The following INSYN2B variants were observed in gnomAD, a reference collection of about 807,000 sequenced individuals.
INSYN2B encodes the protein inhibitory synaptic factor family member 2B.
Under a neutral mutation model 41.2 loss-of-function variants are expected in INSYN2B, and 16 were observed. The ratio of observed to expected loss-of-function variants is 0.39; its 90% CI spans 0.26 to 0.59. The LOEUF (loss-of-function observed/expected upper bound fraction) is 0.59, where lower values mean the gene tolerates loss of function less well. INSYN2B is among the 20% of genes least tolerant of loss of function. INSYN2B has a pLI of 0.57. For missense variants in INSYN2B, 608 were observed against 646.4 expected, an observed-to-expected ratio of 0.94 and a Z score of 0.64; for synonymous variants, 245 against 244.4, an observed-to-expected ratio of 1.00 and a Z score of -0.02.
At chr5:169,960,208 A>G (rs924196040) in intron 1 of INSYN2B, among the ~76,000 whole-genome samples, 1 of 152,234 alleles carries the variant, frequency 6.6e-6, no homozygotes, top group African/African-American at 2.4e-5. Flanking sequence ...AGAGGAGGAA[A>G]TAATGTAGTT....
At chr5:169,960,657 G>C (rs1422695) in intron 1 of INSYN2B, among the ~76,000 whole-genome samples, 115,248 of 152,156 alleles carry the variant, frequency 0.76, 44,703 homozygotes, top group African/African-American at 0.94. Context: ...TACTTGTGTG[G>C]TAATATTCGG....
At chr5:169,885,907 A>C (rs2113520339) in intron 1 of INSYN2B, among the ~76,000 whole-genome samples, 1 of 152,302 alleles carries the variant, frequency 6.6e-6, no homozygotes, top group South Asian at 2.1e-4. Context: ...TCCCCCTTAG[A>C]CTTACGGGGA....
chr5:169,924,174 G>A (rs1232278514), intron 1 of INSYN2B, among the ~76,000 whole-genome samples: 1 of 152,200 alleles, frequency 6.6e-6, no homozygotes, highest in East Asian at 1.9e-4. Context: ...GAAAGTCCCA[G>A]GGGACCACAG....
chr5:169,929,741 CAAA>C (rs1211612989), intron 1 of INSYN2B, among the ~76,000 whole-genome samples: 7 of 62,918 alleles, frequency 1.1e-4, no homozygotes, highest in Non-Finnish European at 1.7e-4. Context: ...GACCCTGTCT[CAAA>C]AAAAAAAAAA....
intron 3 of INSYN2B, among the ~76,000 whole-genome samples, chr5:169,879,234 G>A (rs1457763582): frequency 6.6e-6 from 1 of 152,210 alleles, no homozygotes; most frequent in African/African-American, 2.4e-5. Flanking sequence ...TGCACTGAGC[G>A]CATCCATCAT....
intron 1 of INSYN2B, among the ~76,000 whole-genome samples, chr5:169,898,922 G>C (rs754344559): frequency 7.9e-5 from 12 of 152,184 alleles, no homozygotes; most frequent in Non-Finnish European, 1.6e-4. Context: ...CTAAAGTGAA[G>C]AAGCAAAAGG....
At chr5:169,953,611 A>G (rs1298246125) in intron 1 of INSYN2B, among the ~76,000 whole-genome samples, 2 of 152,210 alleles carry the variant, frequency 1.3e-5, no homozygotes, top group African/African-American at 2.4e-5. Context: ...AGTCAGCTAC[A>G]GAGGAGACCT....
chr5:169,911,687 A>G (rs1038516824), intron 1 of INSYN2B, among the ~76,000 whole-genome samples: 30 of 152,238 alleles, frequency 2.0e-4, no homozygotes, highest in African/African-American at 7.2e-4. Context: ...GTTTCCTATA[A>G]TTAGCCAAGA....
intron 1 of INSYN2B, among the ~76,000 whole-genome samples, chr5:169,954,785 T>C (rs566349470): frequency 1.3e-5 from 2 of 152,286 alleles, no homozygotes; most frequent in East Asian, 3.9e-4. Flanking sequence ...AGTGACCTCA[T>C]GAGAGGTCAA....
intron 1 of INSYN2B, among the ~76,000 whole-genome samples, chr5:169,904,496 A>T (rs1035013827): frequency 8.5e-5 from 13 of 152,202 alleles, no homozygotes; most frequent in African/African-American, 2.6e-4. Context: ...GGGTGCAGAC[A>T]GGCAGGGGAG....
chr5:169,928,421 C>T (rs926831390), intron 1 of INSYN2B, among the ~76,000 whole-genome samples: 10 of 152,354 alleles, frequency 6.6e-5, no homozygotes, highest in Admixed American at 3.9e-4. Flanking sequence ...GCTGTTTTCA[C>T]GTAGTCAGGC....
intron 1 of INSYN2B, among the ~76,000 whole-genome samples, chr5:169,957,187 A>G (rs2113736900): frequency 6.6e-6 from 1 of 152,354 alleles, no homozygotes; most frequent in East Asian, 1.9e-4. Flanking sequence ...TACTCAATAA[A>G]TAATGGTGAA....
chr5:169,943,962 C>A (rs576843242), intron 1 of INSYN2B, among the ~76,000 whole-genome samples: 1 of 152,328 alleles, frequency 6.6e-6, no homozygotes, highest in Admixed American at 6.5e-5. Context: ...TTCTTATTGT[C>A]TCTGTAAAGT....
intron 3 of INSYN2B, among the ~76,000 whole-genome samples, chr5:169,869,090 G>A (rs147284551): frequency 6.6e-6 from 1 of 152,162 alleles, no homozygotes; most frequent in African/African-American, 2.4e-5. Context: ...ATGGAACACT[G>A]TCTTGGCCCA....
chr5:169,969,623 G>A (rs1408786728), intron 1 of INSYN2B, among the ~76,000 whole-genome samples: 1 of 152,216 alleles, frequency 6.6e-6, no homozygotes. Flanking sequence ...TTCCCTAGAG[G>A]GGAGTGGCGG....
At chr5:169,899,191 A>G (rs776454165) in intron 1 of INSYN2B, among the ~76,000 whole-genome samples, 1 of 152,332 alleles carries the variant, frequency 6.6e-6, no homozygotes, top group East Asian at 1.9e-4. Flanking sequence ...AATGATGACA[A>G]GGTGGCTGCT....
rs1031085100 is a variant in INSYN2B, at chr5:169,864,078, G to T, written c.*195C>A. Among the ~76,000 whole-genome samples, 1 of 152,150 alleles carries T rather than the reference G, an allele frequency of 6.6e-6. No individual in the cohort carries two copies. On this transcript the variant is annotated 3_prime_UTR_variant, in exon 4 of 4. Transcript: ENST00000377365. Reference sequence around the variant, plus strand: ...TCCGTGAAGCCCTCAGCAAGCAGTCGCACGCACTCAGGTAAGGATCGTGGT... The same window carrying T: ...TCCGTGAAGCCCTCAGCAAGCAGTCTCACGCACTCAGGTAAGGATCGTGGT...
chr5:169,872,108 G>A (rs887605099), intron 3 of INSYN2B, among the ~76,000 whole-genome samples: 7 of 152,114 alleles, frequency 4.6e-5, no homozygotes, highest in Admixed American at 3.9e-4. Context: ...GCGTCTCCCT[G>A]AAGACAAACC....
chr5:169,872,475 C>T (rs149028937), intron 3 of INSYN2B, among the ~76,000 whole-genome samples: 252 of 152,306 alleles, frequency 1.7e-3, no homozygotes, highest in African/African-American at 5.9e-3. Flanking sequence ...TCACAACTTG[C>T]AGCTATTTCA....
Sources: allele counts gnomAD v4.1 joint callset (sites outside exome capture counted in the v4.1 genomes callset), GRCh38; gene constraint gnomAD v4.1.1; transcripts MANE v1.5; gene names NCBI Gene and HGNC (gene_info 2026-07-23, HGNC 2026-07-21).